The following DIP2C variants were observed in gnomAD, a reference collection of about 807,000 sequenced individuals.
DIP2C encodes the protein disco-interacting protein 2 homolog C.
DIP2C carries 33 observed loss-of-function variants against 192.4 expected under a neutral mutation model. The observed-to-expected ratio is 0.17, with a 90% CI of 0.13 to 0.23. DIP2C has a LOEUF of 0.23. DIP2C is among the 10% of genes least tolerant of loss of function. The pLI is 1.00. For synonymous variants in DIP2C, 979 were observed against 864.1 expected (o/e 1.13, Z -2.33); for missense variants, 1,537 against 2,110.1 (o/e 0.73, Z 5.32).
intron 1 of DIP2C, among the ~76,000 whole-genome samples, chr10:597,891 G>T (rs1056324424): frequency 1.3e-5 from 2 of 152,182 alleles, no homozygotes; most frequent in South Asian, 4.1e-4. Context: ...AAACCAGGAG[G>T]TCTGAACGTG....
intron 1 of DIP2C, among the ~76,000 whole-genome samples, chr10:579,448 ACATG>A (rs1356643458): frequency 1.3e-5 from 2 of 151,936 alleles, no homozygotes; most frequent in Non-Finnish European, 2.9e-5. Flanking sequence ...ACACATGTGT[ACATG>A]CATAGAGCGT....
intron 24 of DIP2C, among the ~76,000 whole-genome samples, chr10:354,960 C>T (rs1431382238): frequency 1.3e-5 from 2 of 151,678 alleles, no homozygotes; most frequent in South Asian, 2.1e-4. Flanking sequence ...CCAAGGCCGG[C>T]GAACCTGGCG....
chr10:595,195 A>G (rs73588170), intron 1 of DIP2C, among the ~76,000 whole-genome samples: 7,233 of 152,264 alleles, frequency 0.048, 221 homozygotes, highest in East Asian at 0.08. Context: ...GTCTCAAAAC[A>G]AAGAAAATAC....
At chr10:489,722 C>T (rs2133576936) in intron 1 of DIP2C, among the ~76,000 whole-genome samples, 1 of 131,478 alleles carries the variant, frequency 7.6e-6, no homozygotes, top group Non-Finnish European at 1.6e-5. Context: ...GTGCCCGGGG[C>T]TTCCTCCACT....
At chr10:406,403 C>CAG (rs1315412453) in intron 9 of DIP2C, among the ~76,000 whole-genome samples, 1 of 152,240 alleles carries the variant, frequency 6.6e-6, no homozygotes, top group Non-Finnish European at 1.5e-5. Context: ...TCCTCTCCCC[C>CAG]AGTCCCTGGC....
chr10:320,042 G>A (rs184041691), intron 31 of DIP2C, among the ~76,000 whole-genome samples: 78 of 152,304 alleles, frequency 5.1e-4, no homozygotes, highest in Middle Eastern at 3.4e-3. Context: ...CTGTTAGAAG[G>A]TTGAAGAATA....
At chr10:684,760 T>C (rs936128764) in intron 1 of DIP2C, among the ~76,000 whole-genome samples, 3 of 152,122 alleles carry the variant, frequency 2.0e-5, no homozygotes, top group African/African-American at 7.2e-5. Context: ...CATTTTAGGA[T>C]CCCCTCTTTG....
chr10:447,634 A>C (rs1968378097), intron 3 of DIP2C, among the ~76,000 whole-genome samples: 2 of 139,050 alleles, frequency 1.4e-5, no homozygotes, highest in Non-Finnish European at 3.0e-5. Context: ...TATACTCAGG[A>C]TCACACACAG....
At chr10:399,397 T>C (rs1335817650) in intron 9 of DIP2C, among the ~76,000 whole-genome samples, 178 bp from the exon 10 acceptor site, 1 of 152,216 alleles carries the variant, frequency 6.6e-6, no homozygotes, top group Non-Finnish European at 1.5e-5. Flanking sequence ...TGAATTCATA[T>C]AGAAGACAAA....
intron 1 of DIP2C, among the ~76,000 whole-genome samples, chr10:612,368 T>C (rs945485537): frequency 2.6e-5 from 4 of 152,070 alleles, no homozygotes; most frequent in African/African-American, 9.7e-5. Flanking sequence ...AAAAATAATA[T>C]GAAAGCATGT....
intron 1 of DIP2C, among the ~76,000 whole-genome samples, chr10:543,794 C>CAA (rs1405369483): frequency 6.6e-6 from 1 of 152,220 alleles, no homozygotes; most frequent in Non-Finnish European, 1.5e-5. Context: ...TTAAAGGGTA[C>CAA]AATTCAGTCT....
intron 1 of DIP2C, among the ~76,000 whole-genome samples, chr10:621,035 G>A (rs1853814739): frequency 6.6e-6 from 1 of 152,188 alleles, no homozygotes; most frequent in Admixed American, 6.5e-5. Context: ...GTTTGGTCCT[G>A]AGGAGGCCCA....
At position 393,509 on chromosome 10, in the gene DIP2C, G is replaced by A. The variant is rs139537977; in HGVS notation, c.1261-2646C>T. On this transcript the variant is annotated intron_variant, in intron 10 of 36. Transcript: ENST00000280886. ...AAACCACAGGGAAGCCAGGCGCGAT[G>A]GCTCAGGCCTGTAATCCCAGCACTT... 6.2e-4 allele frequency among the ~76,000 whole-genome samples: 95 copies of A among 152,272 alleles called. No individual in the cohort carries two copies. In the East Asian group the frequency reaches 0.014, roughly 22 times the overall value.
intron 1 of DIP2C, among the ~76,000 whole-genome samples, chr10:682,245 G>A (rs1831161940): frequency 6.6e-6 from 1 of 152,204 alleles, no homozygotes; most frequent in Non-Finnish European, 1.5e-5. Flanking sequence ...TCCAGCAGAA[G>A]ATCCCCAGCC....
chr10:419,247 T>C, intron 5 of DIP2C, 48 bp from the exon 6 acceptor site: 1 of 1,612,344 alleles, frequency 6.2e-7, no homozygotes, highest in Non-Finnish European at 8.5e-7. Context: ...TGATGTTTGC[T>C]CTGAAGGTGG....
At chr10:472,005 C>G (rs1970668167) in intron 3 of DIP2C, among the ~76,000 whole-genome samples, 1 of 152,120 alleles carries the variant, frequency 6.6e-6, no homozygotes, top group Non-Finnish European at 1.5e-5. Flanking sequence ...CAACCCTGTG[C>G]AGACGGCATC....
intron 24 of DIP2C, among the ~76,000 whole-genome samples, chr10:354,199 A>C (rs1958964474): frequency 6.6e-6 from 1 of 152,224 alleles, no homozygotes; most frequent in South Asian, 2.1e-4. Context: ...CCTAAGGTAA[A>C]TCACTCATGG....
At chr10:550,446 G>T (rs1038985327) in intron 1 of DIP2C, among the ~76,000 whole-genome samples, 1 of 152,170 alleles carries the variant, frequency 6.6e-6, no homozygotes, top group Non-Finnish European at 1.5e-5. Context: ...GTTCCACACC[G>T]CAGAAGGATC....
intron 1 of DIP2C, among the ~76,000 whole-genome samples, chr10:644,547 A>C (rs1855359438): frequency 6.6e-6 from 1 of 152,254 alleles, no homozygotes; most frequent in Non-Finnish European, 1.5e-5. Flanking sequence ...GTTCTGCCTG[A>C]CGCCCCCACT....
Sources: gnomAD v4.1 joint callset for allele counts (sites outside exome capture counted in the v4.1 genomes callset) on GRCh38, gnomAD v4.1.1 for gene constraint, MANE v1.5 for transcripts, NCBI Gene and HGNC (gene_info 2026-07-23, HGNC 2026-07-21) for gene names.